COL4A6: variants seen among roughly 807,000 people sequenced by gnomAD.
COL4A6 encodes collagen type IV alpha 6 chain.
In COL4A6, 59 loss-of-function variants were observed where a neutral mutation model predicts 126.7. The observed-to-expected ratio is 0.47, with a 90% CI of 0.38 to 0.58. The LOEUF is 0.58. COL4A6 is among the 20% of genes least tolerant of loss of function. The probability of loss-of-function intolerance (pLI) is 0.00; values close to 1 mark genes in which losing one functional copy is unlikely to be tolerated. For missense variants in COL4A6, 1,285 were observed against 1,337.3 expected, an observed-to-expected ratio of 0.96 and a Z score of 0.61; for synonymous variants, 547 against 496.6, an observed-to-expected ratio of 1.10 and a Z score of -1.35.
At chrX:108,225,398 A>AT (rs2036140870) in intron 3 of COL4A6, among the ~76,000 whole-genome samples, 1 of 112,984 alleles carries the variant, frequency 8.9e-6, no homozygotes, top group African/African-American at 3.2e-5. Context: ...CATGTCATTT[A>AT]TTTTGGCAAA....
At chrX:108,424,746 G>T (rs746164436) in intron 2 of COL4A6, among the ~76,000 whole-genome samples, 1 of 111,946 alleles carries the variant, frequency 8.9e-6, no homozygotes, top group Admixed American at 9.5e-5. Context: ...GCCATACGGG[G>T]TGGCTCACGC....
intron 24 of COL4A6, 54 bp from the exon 25 acceptor site, chrX:108,180,676 T>C (rs748627365): frequency 3.1e-6 from 3 of 963,567 alleles, no homozygotes; most frequent in Non-Finnish European, 4.3e-6. Flanking sequence ...GTGCTAGGTA[T>C]GATTTGTGAT....
chrX:108,436,038 A>T (rs60908201), intron 2 of COL4A6, among the ~76,000 whole-genome samples: 8,263 of 110,787 alleles, frequency 0.075, 682 homozygotes, highest in African/African-American at 0.23. Context: ...AAACAAAACA[A>T]CCCTTCAGAA....
intron 30 of COL4A6, 150 bp from the exon 31 acceptor site, chrX:108,174,771 G>T: frequency 2.0e-6 from 1 of 501,131 alleles, no homozygotes; most frequent in Non-Finnish European, 3.2e-6. Flanking sequence ...GATGCTTTCA[G>T]TCTTATGGGG....
At chrX:108,402,697 A>C (rs1257325671) in intron 2 of COL4A6, among the ~76,000 whole-genome samples, 1 of 111,219 alleles carries the variant, frequency 9.0e-6, no homozygotes, top group Non-Finnish European at 1.9e-5. Flanking sequence ...TTCAATTCTA[A>C]AATTTAATTT....
chrX:108,207,036 A>C (rs1187155195), intron 8 of COL4A6, among the ~76,000 whole-genome samples: 1 of 111,708 alleles, frequency 9.0e-6, no homozygotes, highest in East Asian at 2.8e-4. Flanking sequence ...GGTTTGGATT[A>C]CATACAAGTA....
intron 3 of COL4A6, among the ~76,000 whole-genome samples, chrX:108,248,510 C>T (rs534801362): frequency 4.5e-5 from 5 of 110,230 alleles, no homozygotes; most frequent in South Asian, 8.2e-4. Flanking sequence ...TTTCAAGGCT[C>T]GAGGAAAAAT....
intron 3 of COL4A6, among the ~76,000 whole-genome samples, chrX:108,232,350 C>G (rs771895893): frequency 9.0e-6 from 1 of 111,664 alleles, no homozygotes; most frequent in African/African-American, 3.2e-5. Context: ...AATAGTTGGA[C>G]ATAAAAATAA....
intron 37 of COL4A6, among the ~76,000 whole-genome samples, chrX:108,166,237 C>T (rs1161485555): frequency 8.9e-6 from 1 of 112,348 alleles, no homozygotes; most frequent in Non-Finnish European, 1.9e-5. Flanking sequence ...GTAATATGTT[C>T]AAAACCAAAA....
chrX:108,365,490 C>T (rs1227567065), intron 2 of COL4A6, among the ~76,000 whole-genome samples: 2 of 111,526 alleles, frequency 1.8e-5, no homozygotes, highest in African/African-American at 6.5e-5. Context: ...CATAATAAAC[C>T]TCTGTGGTAT....
chrX:108,308,802 T>C (rs2038688444), intron 3 of COL4A6, among the ~76,000 whole-genome samples: 1 of 112,214 alleles, frequency 8.9e-6, no homozygotes, highest in South Asian at 3.7e-4. Context: ...CAGGTAATTA[T>C]GATCCTTAGT....
intron 3 of COL4A6, among the ~76,000 whole-genome samples, chrX:108,307,049 GA>G (rs1469290772): frequency 2.7e-5 from 3 of 109,589 alleles, no homozygotes; most frequent in East Asian, 5.7e-4. Flanking sequence ...ATCTAGTAGG[GA>G]AAAAAAGAGA....
At position 108,170,834 on chromosome X, in the gene COL4A6, C is replaced by T. The variant is rs2034278847; in HGVS notation, c.3361G>A (p.Asp1121Asn). The T allele has an allele frequency of 1.6e-6, 2 of 1,212,356 alleles. No homozygotes were observed. Among genetic ancestry groups the T allele is most frequent in the African/African-American group, 3.4e-5 (2 of 58,003 alleles). The stretch of plus-strand genomic sequence containing the variant: ...CCTGGAGCTCCAGGAAGGCCAACAT[C>T]TCCAGAAACACCAACTTTTCCATCT... The part of the protein sequence containing the change: ...GEDGKVGVSG[D>N]VGLPGAPGFP... Residue 1121 changes from aspartate to asparagine, a missense_variant, in exon 34 of 45, where the codon GAT (aspartate) becomes AAT (asparagine). Transcript: ENST00000334504.
intron 5 of COL4A6, among the ~76,000 whole-genome samples, chrX:108,218,189 C>T (rs920236998): frequency 8.0e-5 from 9 of 112,399 alleles, no homozygotes; most frequent in African/African-American, 2.6e-4. Flanking sequence ...CATACTAAGA[C>T]GGAAAGCTCC....
At chrX:108,188,417 C>T in intron 21 of COL4A6, 100 bp downstream of exon 21, 1 of 853,445 alleles carries the variant, frequency 1.2e-6, no homozygotes. Context: ...TGTTTTAATC[C>T]CATCTCTCTT....
intron 3 of COL4A6, among the ~76,000 whole-genome samples, chrX:108,242,956 A>C (rs1294160746): frequency 9.0e-6 from 1 of 111,421 alleles, no homozygotes; most frequent in African/African-American, 3.3e-5. Context: ...AAAATAAAGA[A>C]AGAAGAAGAC....
intron 3 of COL4A6, among the ~76,000 whole-genome samples, chrX:108,281,059 G>A (rs1311720635): frequency 7.9e-5 from 8 of 100,772 alleles, no homozygotes; most frequent in South Asian, 1.0e-3. Flanking sequence ...GCAAAAACTG[G>A]AAGCATTCCC....
chrX:108,365,357 G>C (rs1412927372), intron 2 of COL4A6, among the ~76,000 whole-genome samples: 1 of 111,908 alleles, frequency 8.9e-6, no homozygotes, highest in Non-Finnish European at 1.9e-5. Context: ...TAGATGAAAG[G>C]AAGGAAGCAA....
intron 2 of COL4A6, chrX:108,383,416 C>G (rs1184843871): frequency 3.4e-5 from 17 of 493,266 alleles, no homozygotes; most frequent in Non-Finnish European, 5.3e-5. Flanking sequence ...CATCCTCAAC[C>G]CTGATGGCTT....
Sources: gnomAD v4.1 joint callset for allele counts (sites outside exome capture counted in the v4.1 genomes callset) on GRCh38, gnomAD v4.1.1 for gene constraint, MANE v1.5 for transcripts, NCBI Gene and HGNC (gene_info 2026-07-23, HGNC 2026-07-21) for gene names.